ARHGAP15: variants seen among roughly 807,000 people sequenced by gnomAD.
ARHGAP15 encodes the protein Rho GTPase activating protein 15.
In ARHGAP15, 51 loss-of-function variants were observed where a neutral mutation model predicts 63.7. The ratio of observed to expected loss-of-function variants is 0.80; its 90% CI spans 0.64 to 1.01. The LOEUF is 1.01. Among genes scored for constraint, ARHGAP15 ranks in the 50% least tolerant of loss-of-function variants. The probability of loss-of-function intolerance (pLI) is 0.00; values close to 1 mark genes in which losing one functional copy is unlikely to be tolerated. For missense variants in ARHGAP15, 560 were observed against 564.6 expected (o/e 0.99, Z 0.08); for synonymous variants, 191 against 193.8 (o/e 0.99, Z 0.12).
chr2:143,761,239 G>A (rs1176946450), intron 13 of ARHGAP15, among the ~76,000 whole-genome samples: 1 of 152,176 alleles, frequency 6.6e-6, no homozygotes, highest in East Asian at 1.9e-4. Flanking sequence ...CTTTAGTTAA[G>A]TGGTCAAAGT....
intron 10 of ARHGAP15, among the ~76,000 whole-genome samples, chr2:143,521,080 T>G (rs1170094599): frequency 6.6e-6 from 1 of 152,212 alleles, no homozygotes; most frequent in African/African-American, 2.4e-5. Flanking sequence ...CATCTAGCAT[T>G]ATATTTCATT....
rs1682216429 is a variant in ARHGAP15, at chr2:143,288,323, T to C, written c.474+37723T>C. Among the ~76,000 whole-genome samples, 5 of 152,146 alleles carry C rather than the reference T, an allele frequency of 3.3e-5. No individual in the cohort carries two copies. The South Asian group carries it at 8.3e-4, about 25-fold the overall frequency. On this transcript the variant is annotated intron_variant, in intron 6 of 13. Coordinates refer to ENST00000295095, the MANE Select transcript of ARHGAP15 (RefSeq NM_018460.4). ...ACGTACACAACATGCAGAATGGTTATGTAGGAGAAATCCATGGCAACAGCA... is the reference window on the plus strand; with the variant it reads ...ACGTACACAACATGCAGAATGGTTACGTAGGAGAAATCCATGGCAACAGCA...
At chr2:143,276,850 T>C (rs899223101) in intron 6 of ARHGAP15, among the ~76,000 whole-genome samples, 1 of 152,202 alleles carries the variant, frequency 6.6e-6, no homozygotes, top group African/African-American at 2.4e-5. Flanking sequence ...TCTTGCATGG[T>C]GATGCTTAAT....
At chr2:143,679,654 CGTGTGT>C (rs60643761) in intron 12 of ARHGAP15, among the ~76,000 whole-genome samples, 35,523 of 149,800 alleles carry the variant, frequency 0.24, 4,793 homozygotes, top group East Asian at 0.57. Flanking sequence ...TGCGTGTGTG[CGTGTGT>C]GTGTGTGTGT....
chr2:143,639,657 T>C (rs1013764258), intron 12 of ARHGAP15, among the ~76,000 whole-genome samples: 9 of 131,162 alleles, frequency 6.9e-5, no homozygotes, highest in Non-Finnish European at 1.6e-4. Flanking sequence ...GAAATAACAT[T>C]ATAAAATTTC....
chr2:143,492,793 AC>A (rs2105238941), intron 9 of ARHGAP15, among the ~76,000 whole-genome samples: 1 of 151,990 alleles, frequency 6.6e-6, no homozygotes, highest in South Asian at 2.1e-4. Context: ...GTGGTGGCTC[AC>A]GCCTGTAATC....
At chr2:143,136,316 T>C (rs552222537) in intron 1 of ARHGAP15, among the ~76,000 whole-genome samples, 9 of 152,050 alleles carry the variant, frequency 5.9e-5, no homozygotes, top group Non-Finnish European at 1.3e-4. Context: ...AGTCTAATAC[T>C]TCTTTTATTT....
At chr2:143,275,546 G>A (rs1574196537) in intron 6 of ARHGAP15, among the ~76,000 whole-genome samples, 4 of 152,170 alleles carry the variant, frequency 2.6e-5, no homozygotes, top group African/African-American at 7.2e-5. Flanking sequence ...ACCTGGTTAA[G>A]TTCGTATATG....
chr2:143,705,169 A>T (rs1191685696), intron 13 of ARHGAP15, among the ~76,000 whole-genome samples: 1 of 152,192 alleles, frequency 6.6e-6, no homozygotes, highest in African/African-American at 2.4e-5. Context: ...ATAACTTGCT[A>T]AACCAGTTCA....
At chr2:143,567,401 C>A (rs1461281553) in intron 11 of ARHGAP15, among the ~76,000 whole-genome samples, 1 of 152,218 alleles carries the variant, frequency 6.6e-6, no homozygotes, top group Non-Finnish European at 1.5e-5. Context: ...CTCAGGACCA[C>A]AACCCAGACC....
intron 13 of ARHGAP15, among the ~76,000 whole-genome samples, chr2:143,708,421 G>A (rs1684427217): frequency 6.6e-6 from 1 of 152,102 alleles, no homozygotes; most frequent in Admixed American, 6.6e-5. Context: ...TTCCAGAAAA[G>A]TCTTTATCCC....
intron 6 of ARHGAP15, among the ~76,000 whole-genome samples, chr2:143,361,080 G>T (rs75250534): frequency 0.02 from 2,977 of 152,106 alleles, 58 homozygotes; most frequent in South Asian, 0.099. Context: ...CATTTTTAGG[G>T]AATCTAAGGT....
At chr2:143,174,740 G>A (rs1690943318) in intron 2 of ARHGAP15, among the ~76,000 whole-genome samples, 1 of 152,102 alleles carries the variant, frequency 6.6e-6, no homozygotes, top group Non-Finnish European at 1.5e-5. Context: ...AGATTAATCA[G>A]TATGGTCTCC....
At chr2:143,189,234 C>G (rs1691577565) in intron 2 of ARHGAP15, among the ~76,000 whole-genome samples, 1 of 152,176 alleles carries the variant, frequency 6.6e-6, no homozygotes, top group Non-Finnish European at 1.5e-5. Flanking sequence ...CCCTTCCTCT[C>G]TCTTCCACAT....
chr2:143,708,223 A>C (rs1048299167), intron 13 of ARHGAP15, among the ~76,000 whole-genome samples: 10 of 152,204 alleles, frequency 6.6e-5, no homozygotes, highest in Non-Finnish European at 2.9e-5. Context: ...GCTTTTGAAG[A>C]GTCTTGCATA....
chr2:143,238,524 A>T (rs1191796228), intron 5 of ARHGAP15, among the ~76,000 whole-genome samples: 1 of 152,220 alleles, frequency 6.6e-6, no homozygotes, highest in Non-Finnish European at 1.5e-5. Flanking sequence ...AATGGCAATT[A>T]TTAAAAAGCC....
chr2:143,739,883 C>T (rs1462769717), intron 13 of ARHGAP15, among the ~76,000 whole-genome samples: 1 of 152,120 alleles, frequency 6.6e-6, no homozygotes, highest in Non-Finnish European at 1.5e-5. Flanking sequence ...GATCATTCTC[C>T]CCACACCCCC....
intron 6 of ARHGAP15, among the ~76,000 whole-genome samples, chr2:143,373,543 T>C (rs1686658131): frequency 7.1e-6 from 1 of 141,134 alleles, no homozygotes; most frequent in East Asian, 2.1e-4. Flanking sequence ...GGCAGGAGAA[T>C]GGCATGAGCT....
At chr2:143,682,277 C>G (rs146969300) in intron 12 of ARHGAP15, among the ~76,000 whole-genome samples, 4 of 149,524 alleles carry the variant, frequency 2.7e-5, no homozygotes, top group African/African-American at 9.8e-5. Context: ...ATTAAACTAA[C>G]GCTGTAACCT....
Sources: gnomAD v4.1 joint callset for allele counts (sites outside exome capture counted in the v4.1 genomes callset) on GRCh38, gnomAD v4.1.1 for gene constraint, MANE v1.5 for transcripts, NCBI Gene and HGNC (gene_info 2026-07-23, HGNC 2026-07-21) for gene names.